The following NSDHL variants were observed in gnomAD, a reference collection of about 807,000 sequenced individuals.
NSDHL encodes sterol-4-alpha-carboxylate 3-dehydrogenase, decarboxylating.
In NSDHL, 1 loss-of-function variant was observed where a neutral mutation model predicts 23.0. The observed-to-expected ratio is 0.04, with a 90% CI of 0.02 to 0.21. The LOEUF (loss-of-function observed/expected upper bound fraction) is 0.21, where lower values mean the gene tolerates loss of function less well. Ranked by LOEUF, NSDHL falls within the 10% of genes least tolerant of loss-of-function variation. The pLI is 1.00. For synonymous variants in NSDHL, 128 were observed against 121.1 expected, an observed-to-expected ratio of 1.06 and a Z score of -0.37; for missense variants, 237 against 300.9, an observed-to-expected ratio of 0.79 and a Z score of 1.57.
chrX:152,868,876 C>T lies in NSDHL; in HGVS notation c.882C>T (p.His294=), dbSNP rs782558903. The change falls in exon 8 of 8, where the codon CAC becomes CAT. Residue 294 remains histidine (H), a synonymous_variant. Transcript: ENST00000370274. ...TGLNYEAPKY[H]IPYWVAYYLA... is the part of the protein sequence containing the mutation. The stretch of plus-strand genomic sequence containing the variant: ...TCAATTATGAGGCCCCCAAGTACCA[C>T]ATCCCCTACTGGGTGGCCTACTACC... 3.2e-5 allele frequency: 39 copies of T among 1,209,393 alleles called. No homozygotes were observed. In the African/African-American group the frequency reaches 4.9e-4, roughly 15 times the overall value.
intron 1 of NSDHL, chrX:152,831,802 C>T (rs1420913258): frequency 9.0e-6 from 1 of 111,075 alleles, no homozygotes; most frequent in East Asian, 2.8e-4. Flanking sequence ...TTAGCTATCC[C>T]CGTGGCTTTT....
intron 3 of NSDHL, among the ~76,000 whole-genome samples, chrX:152,853,647 T>A (rs1284209857): frequency 8.9e-6 from 1 of 112,238 alleles, no homozygotes; most frequent in Non-Finnish European, 1.9e-5. Flanking sequence ...ACGTCCCCAC[T>A]ACCTGTCTGG....
chrX:152,865,771 G>A (rs374395386), intron 5 of NSDHL, 48 bp from the exon 6 acceptor site: 12 of 1,207,617 alleles, frequency 9.9e-6, no homozygotes, highest in Middle Eastern at 2.3e-4. Context: ...TCTTGGCTTG[G>A]GCCTAGGAAT....
Position 152,868,958 on chromosome X carries a change from C to T in NSDHL, c.964C>T (p.Pro322Ser). 1 of 1,212,231 alleles carries T rather than the reference C, an allele frequency of 8.2e-7. No individual in the cohort carries two copies. Among genetic ancestry groups the T allele is most frequent in the African/African-American group, 1.7e-5 (1 of 57,959 alleles). The change falls in exon 8 of 8, where the codon CCC becomes TCC. Residue 322 changes from proline (P) to serine (S), a missense_variant. Pro to Ser is a moderately conservative substitution (Grantham distance 74). Around this residue, in one of 3 missense-constraint regions of NSDHL, gnomAD observed 117 missense variants for 99.5 expected, o/e 1.18. Coordinates refer to ENST00000370274, the MANE Select transcript of NSDHL (RefSeq NM_015922.3). ...MVISPVIQLQPTFTPMRVALA... is the reference protein window; with the variant it reads ...MVISPVIQLQSTFTPMRVALA... ...GATCAGTCCTGTCATCCAGCTGCAG[C>T]CCACCTTCACACCCATGCGGGTCGC...
intron 5 of NSDHL, among the ~76,000 whole-genome samples, chrX:152,863,687 G>A (rs1322614956): frequency 8.9e-6 from 1 of 112,471 alleles, no homozygotes; most frequent in Non-Finnish European, 1.9e-5. Flanking sequence ...GCTAGCTGCA[G>A]ATGGGGATTG....
chrX:152,869,195 C>T lies in NSDHL; in HGVS notation c.*79C>T. 1 of 851,142 alleles carries T rather than the reference C, an allele frequency of 1.2e-6. No homozygotes were observed. The highest frequency in any genetic ancestry group is 1.7e-6 in the Non-Finnish European group (1 of 581,271). 70.1% of individuals were successfully genotyped at this position (851,142 alleles called of 1,213,427 possible). On this transcript the variant is annotated 3_prime_UTR_variant, in exon 8 of 8. Coordinates refer to ENST00000370274, the MANE Select transcript of NSDHL (RefSeq NM_015922.3). ...CCCTGTGGATTGATGAAATAACATC[C>T]TTTGAATGAGTTTGCTCTGAGCCTG...
At chrX:152,843,134 G>A (rs782318509) in intron 1 of NSDHL, among the ~76,000 whole-genome samples, 1 of 112,268 alleles carries the variant, frequency 8.9e-6, no homozygotes, top group Non-Finnish European at 1.9e-5. Flanking sequence ...AAAGAATTGT[G>A]TGATTATTGT....
intron 1 of NSDHL, among the ~76,000 whole-genome samples, chrX:152,836,599 G>C (rs1369784669): frequency 8.9e-6 from 1 of 112,040 alleles, no homozygotes; most frequent in Non-Finnish European, 1.9e-5. Flanking sequence ...GTTTGTTAAA[G>C]ATCAGATGGT....
rs1556848623 is a variant in NSDHL, at chrX:152,869,317, A to G, written c.*201A>G. The G allele has an allele frequency of 1.1e-5, 5 of 470,036 alleles. No individual in the cohort carries two copies. The East Asian group carries it at 1.1e-4, about 11-fold the overall frequency. The allele number at this position is 470,036 out of a possible 1,213,427, so 38.7% of individuals were successfully genotyped here. A position where few individuals can be genotyped will look rare whatever the true frequency, so the allele number is the denominator to read the frequency against. ...TCTTCCTTCATGGAACTGGATTTGG[A>G]TTTCTTGAAGCAGGCAGCTTCATAT... On this transcript the variant is annotated 3_prime_UTR_variant, in exon 8 of 8. Coordinates refer to ENST00000370274, the MANE Select transcript of NSDHL (RefSeq NM_015922.3).
rs1355439544 is a variant in NSDHL, at chrX:152,858,061, C to A, written c.268-709C>A. ...CTTAATGCAGAATAAATATTTGATT[C>A]TTTCCCTTTATTTACCTGAATTTTT... On this transcript the variant is annotated intron_variant, in intron 3 of 7. Transcript: ENST00000370274. 2.7e-5 allele frequency among the ~76,000 whole-genome samples: 3 copies of A among 112,347 alleles called. No individual in the cohort carries two copies. In the East Asian group the frequency reaches 8.4e-4, roughly 31 times the overall value.
At chrX:152,854,912 G>A (rs1933418694) in intron 3 of NSDHL, among the ~76,000 whole-genome samples, 1 of 109,113 alleles carries the variant, frequency 9.2e-6, no homozygotes, top group Non-Finnish European at 1.9e-5. Flanking sequence ...AGAGAGAGGA[G>A]AGAGACAGAT....
At chrX:152,852,392 C>G (rs1452738017) in intron 3 of NSDHL, among the ~76,000 whole-genome samples, 2 of 111,638 alleles carry the variant, frequency 1.8e-5, no homozygotes, top group African/African-American at 6.5e-5. Flanking sequence ...CTTACAGAAA[C>G]CTCAGTTTCA....
intron 1 of NSDHL, among the ~76,000 whole-genome samples, chrX:152,842,526 T>C (rs1238611179): frequency 1.8e-5 from 2 of 111,628 alleles, no homozygotes; most frequent in Non-Finnish European, 3.8e-5. Context: ...TGAGACAGAG[T>C]CTTGTTCTGT....
intron 1 of NSDHL, among the ~76,000 whole-genome samples, chrX:152,838,168 C>A (rs1215858101): frequency 1.8e-5 from 2 of 111,593 alleles, no homozygotes; most frequent in Non-Finnish European, 3.8e-5. Flanking sequence ...TTTATTGTGT[C>A]TATTTGATTC....
rs1190034145 is a variant in NSDHL, at chrX:152,869,548, T to C, written c.*432T>C. The C allele has an allele frequency of 1.1e-5, 2 of 175,348 alleles. No individual in the cohort carries two copies. The highest frequency in any genetic ancestry group is 1.3e-4 in the East Asian group (1 of 7,594). 14.5% of individuals were successfully genotyped at this position (175,348 alleles called of 1,213,427 possible). A position where few individuals can be genotyped will look rare whatever the true frequency, so the allele number is the denominator to read the frequency against. On this transcript the variant is annotated 3_prime_UTR_variant, in exon 8 of 8. Transcript: ENST00000370274. ...AGCCTCTAGACTTTGTTCAAGATAC[T>C]CTATCTTCAAAATATCCCAGAAGAA... is the stretch of plus-strand genomic sequence containing the variant.
At chrX:152,850,084 G>A (rs1556846068) in intron 2 of NSDHL, among the ~76,000 whole-genome samples, 181 bp from the exon 3 acceptor site, 1 of 112,108 alleles carries the variant, frequency 8.9e-6, no homozygotes, top group East Asian at 2.8e-4. Context: ...CAGGAGAGAA[G>A]GTTAGGGTTG....
chrX:152,841,511 T>C lies in NSDHL; in HGVS notation c.-43-4771T>C, dbSNP rs1284555265. 3.5e-5 allele frequency among the ~76,000 whole-genome samples: 4 copies of C among 112,694 alleles called. No homozygotes were observed. In the East Asian group the frequency reaches 1.1e-3, roughly 31 times the overall value. On this transcript the variant is annotated intron_variant, in intron 1 of 7. Coordinates refer to ENST00000370274, the MANE Select transcript of NSDHL (RefSeq NM_015922.3). ...TTGCTGTGGCAGCTCAGCTCAACTT[T>C]GTCCTTCCATGGGCCTGTGGTGTGG... is the stretch of plus-strand genomic sequence containing the variant.
chrX:152,855,042 T>G (rs1228578428), intron 3 of NSDHL, among the ~76,000 whole-genome samples: 1 of 106,438 alleles, frequency 9.4e-6, no homozygotes, highest in Non-Finnish European at 1.9e-5. Context: ...TCGCCCAGGC[T>G]GTAGTGCAGT....
intron 4 of NSDHL, among the ~76,000 whole-genome samples, chrX:152,860,913 T>A (rs1556847461): frequency 8.9e-6 from 1 of 112,074 alleles, no homozygotes; most frequent in African/African-American, 3.2e-5. Context: ...CAATATAAAG[T>A]ATTGGATTGC....
Sources: allele counts gnomAD v4.1 joint callset (sites outside exome capture counted in the v4.1 genomes callset), GRCh38; gene constraint gnomAD v4.1.1; regional missense constraint gnomAD v4.1.1; transcripts MANE v1.5; gene names NCBI Gene and HGNC (gene_info 2026-07-23, HGNC 2026-07-21).